Variants in SCN9A observed in about 807,000 individuals in gnomAD.
The protein encoded by SCN9A is sodium channel protein type 9 subunit alpha.
Under a neutral mutation model 187.0 loss-of-function variants are expected in SCN9A, and 131 were observed. The ratio of observed to expected loss-of-function variants is 0.70; its 90% CI spans 0.61 to 0.81. The LOEUF is 0.81. Ranked by LOEUF, SCN9A falls within the 30% of genes least tolerant of loss-of-function variation. SCN9A has a pLI of 0.00. For missense variants in SCN9A, 2,252 were observed against 2,396.6 expected, an observed-to-expected ratio of 0.94 and a Z score of 1.26; for synonymous variants, 809 against 808.6, an observed-to-expected ratio of 1.00 and a Z score of -0.01.
intron 24 of SCN9A, among the ~76,000 whole-genome samples, chr2:166,220,872 T>G (rs1694555676): frequency 1.3e-5 from 2 of 152,064 alleles, no homozygotes; most frequent in Admixed American, 1.3e-4. Flanking sequence ...GAAAAAAGTG[T>G]TTACAGATGA....
intron 1 of SCN9A, among the ~76,000 whole-genome samples, chr2:166,349,242 CA>C (rs1019491864): frequency 6.6e-6 from 1 of 152,262 alleles, no homozygotes; most frequent in African/African-American, 2.4e-5. Context: ...ATATTTAGCC[CA>C]ATGGGGTACA....
intron 1 of SCN9A, among the ~76,000 whole-genome samples, chr2:166,345,473 CT>C (rs1033286768): frequency 1.3e-5 from 2 of 151,684 alleles, no homozygotes; most frequent in African/African-American, 2.4e-5. Flanking sequence ...ATATCCGCCT[CT>C]TTTGAAAACT....
chr2:166,320,954 T>C (rs961247374), intron 1 of SCN9A, among the ~76,000 whole-genome samples: 1 of 152,160 alleles, frequency 6.6e-6, no homozygotes, highest in South Asian at 2.1e-4. Context: ...ATCTAAGTAA[T>C]GCTGAAATAA....
chr2:166,230,184 C>T (rs542396190), intron 21 of SCN9A, among the ~76,000 whole-genome samples: 2 of 152,206 alleles, frequency 1.3e-5, no homozygotes, highest in African/African-American at 4.8e-5. Context: ...GTTCCAAGAA[C>T]ATTTTTACAA....
chr2:166,337,062 C>T (rs1699646529), intron 1 of SCN9A, among the ~76,000 whole-genome samples: 1 of 151,994 alleles, frequency 6.6e-6, no homozygotes, highest in South Asian at 2.1e-4. Flanking sequence ...AAATTTACAG[C>T]AGAAAGATCG....
At chr2:166,304,592 C>CT (rs1406113133) in intron 5 of SCN9A, among the ~76,000 whole-genome samples, 1 of 152,066 alleles carries the variant, frequency 6.6e-6, no homozygotes, top group Non-Finnish European at 1.5e-5. Flanking sequence ...TTGTTGGACC[C>CT]TTAACATTAT....
At chr2:166,345,598 A>C (rs1699882467) in intron 1 of SCN9A, among the ~76,000 whole-genome samples, 1 of 152,154 alleles carries the variant, frequency 6.6e-6, no homozygotes, top group Non-Finnish European at 1.5e-5. Flanking sequence ...TAGGCATTTC[A>C]AATTAATAGA....
chr2:166,257,500 T>C (rs2106436061), intron 17 of SCN9A, among the ~76,000 whole-genome samples: 1 of 151,704 alleles, frequency 6.6e-6, no homozygotes, highest in South Asian at 2.1e-4. Context: ...ATATTGAAAA[T>C]ATAAATAGAA....
chr2:166,333,129 C>G (rs2105267181), intron 1 of SCN9A, among the ~76,000 whole-genome samples: 1 of 151,982 alleles, frequency 6.6e-6, no homozygotes. Flanking sequence ...TAATTCTTCC[C>G]TACCTCCAGG....
chr2:166,313,360 C>A (rs4488677), intron 1 of SCN9A, among the ~76,000 whole-genome samples: 96,731 of 151,946 alleles, frequency 0.64, 31,433 homozygotes, highest in African/African-American at 0.75. Flanking sequence ...ACCTTCATTG[C>A]AAATCTGTTG....
At chr2:166,281,628 T>C in intron 13 of SCN9A, 51 bp downstream of exon 13, 2 of 1,549,268 alleles carry the variant, frequency 1.3e-6, no homozygotes, top group Admixed American at 3.5e-5. Flanking sequence ...TGACCAGATT[T>C]ATGTTAATTT....
chr2:166,288,093 T>TTATA lies in SCN9A; in HGVS notation c.1314+340_1314+343dup, dbSNP rs72083111. Among the ~76,000 whole-genome samples the TTATA allele has an allele frequency of 2.9e-3, 396 of 134,852 alleles. 2 individuals carry two copies. Among genetic ancestry groups the TTATA allele is most frequent in the Middle Eastern group, 7.2e-3 (2 of 276 alleles). 88.5% of individuals were successfully genotyped at this position (134,852 alleles called of 152,430 possible). A position where few individuals can be genotyped will look rare whatever the true frequency, so the allele number is the denominator to read the frequency against. On this transcript the variant is annotated intron_variant, in intron 10 of 26. Transcript: ENST00000642356. ...TAAAAAAACACATAGTTCCATGTGT[T>TTATA]TATATATATATATATATATATATAT...
rs1465092823 is a variant in SCN9A, at chr2:166,369,666, C to G, written c.-51+6031G>C. ...ACAAAGATTGGTCCCATAATATTTA[C>G]CTAGAAGGAATCACTCAGATAAAGG... On this transcript the variant is annotated intron_variant, in intron 1 of 26. Transcript: ENST00000642356. Among the ~76,000 whole-genome samples, 15 of 152,206 alleles carry G rather than the reference C, an allele frequency of 9.9e-5. No individual in the cohort carries two copies. The East Asian group carries it at 1.2e-3, about 12-fold the overall frequency.
intron 2 of SCN9A, among the ~76,000 whole-genome samples, chr2:166,308,526 A>G (rs188309132): frequency 7.2e-5 from 11 of 152,290 alleles, no homozygotes; most frequent in Admixed American, 7.2e-4. Context: ...CCATGATTGT[A>G]AGTTTTCTGA....
chr2:166,316,825 C>T (rs999133483), intron 1 of SCN9A, among the ~76,000 whole-genome samples: 2 of 152,140 alleles, frequency 1.3e-5, no homozygotes, highest in Non-Finnish European at 2.9e-5. Context: ...ACAGTAATCT[C>T]AGGTGTCCTC....
At chr2:166,291,640 C>CT (rs1390237935) in intron 9 of SCN9A, among the ~76,000 whole-genome samples, 1 of 152,106 alleles carries the variant, frequency 6.6e-6, no homozygotes, top group Admixed American at 6.6e-5. Flanking sequence ...AAGAACAAAG[C>CT]TGGAGGCATC....
At chr2:166,244,498 A>G (rs1695703264) in intron 18 of SCN9A, among the ~76,000 whole-genome samples, 1 of 152,092 alleles carries the variant, frequency 6.6e-6, no homozygotes, top group African/African-American at 2.4e-5. Flanking sequence ...AAAGGTAATA[A>G]ATACTAAGAC....
intron 25 of SCN9A, 67 bp from the exon 26 acceptor site, chr2:166,204,292 A>G (rs1693686670): frequency 6.4e-7 from 1 of 1,557,572 alleles, no homozygotes; most frequent in South Asian, 1.2e-5. Context: ...GAAATTAAAG[A>G]TGTGCATTAA....
At chr2:166,329,762 C>T (rs556543920) in intron 1 of SCN9A, among the ~76,000 whole-genome samples, 1 of 152,226 alleles carries the variant, frequency 6.6e-6, no homozygotes, top group South Asian at 2.1e-4. Flanking sequence ...AGAAAAGGCA[C>T]CTAACTTGGA....
Sources: gnomAD v4.1 joint callset for allele counts (sites outside exome capture counted in the v4.1 genomes callset) on GRCh38, gnomAD v4.1.1 for gene constraint, MANE v1.5 for transcripts, NCBI Gene and HGNC (gene_info 2026-07-23, HGNC 2026-07-21) for gene names.